The following SEZ6L2 variants were observed in gnomAD, a reference collection of about 807,000 sequenced individuals.
SEZ6L2 encodes seizure 6-like protein 2.
A neutral mutation model predicts 97.0 loss-of-function variants in SEZ6L2; 44 were observed. That is an observed-to-expected ratio of 0.45 (90% confidence interval 0.36 to 0.58). The LOEUF is 0.58. SEZ6L2 is among the 20% of genes least tolerant of loss of function. The pLI, the probability that SEZ6L2 is intolerant of heterozygous loss-of-function variation, is 0.00. For synonymous variants in SEZ6L2, 543 were observed against 546.1 expected, an observed-to-expected ratio of 0.99 and a Z score of 0.08; for missense variants, 1,086 against 1,233.3, an observed-to-expected ratio of 0.88 and a Z score of 1.79.
At chr16:29,888,427 A>G in intron 6 of SEZ6L2, 113 bp downstream of exon 6, 1 of 1,120,176 alleles carries the variant, frequency 8.9e-7, no homozygotes, top group Non-Finnish European at 1.3e-6. Flanking sequence ...CAGGGTAAAC[A>G]CCCCTTCAGA....
chr16:29,881,022 C>T (rs2068018820), intron 8 of SEZ6L2, among the ~76,000 whole-genome samples: 1 of 151,888 alleles, frequency 6.6e-6, no homozygotes, highest in Non-Finnish European at 1.5e-5. Context: ...GATCCGCTGG[C>T]CTCGGCCTCC....
chr16:29,892,832 A>C (rs2068298289), intron 5 of SEZ6L2, among the ~76,000 whole-genome samples: 1 of 152,226 alleles, frequency 6.6e-6, no homozygotes, highest in African/African-American at 2.4e-5. Context: ...TTCCTCATGC[A>C]CACATGTCTG....
intron 3 of SEZ6L2, among the ~76,000 whole-genome samples, chr16:29,896,504 C>A (rs1320735842): frequency 6.6e-6 from 1 of 152,146 alleles, no homozygotes. Context: ...GTCTCGAACT[C>A]CCGACCTCAG....
intron 6 of SEZ6L2, among the ~76,000 whole-genome samples, chr16:29,888,047 A>T (rs1287457776): frequency 1.3e-5 from 2 of 152,126 alleles, no homozygotes; most frequent in Non-Finnish European, 2.9e-5. Flanking sequence ...ACCTCCTAGG[A>T]TGGAGACACC....
Position 29,895,866 on chromosome 16 carries a change from G to A in SEZ6L2, c.512-6C>T, listed in dbSNP as rs1186465861. On this transcript the variant is annotated splice_region_variant and splice_polypyrimidine_tract_variant and intron_variant, in intron 3 of 17. Coordinates refer to ENST00000617533, the MANE Select transcript of SEZ6L2 (RefSeq NM_001243332.2). ...GATGTTGTTATTACACAGAACTGAG[G>A]AGATACAAATGGCTGGGATGGAAGG... is the stretch of plus-strand genomic sequence containing the variant. 2 of 1,597,164 alleles carry A rather than the reference G, an allele frequency of 1.3e-6. No homozygotes were observed. The highest frequency in any genetic ancestry group is 1.7e-6 in the Non-Finnish European group (2 of 1,169,962).
At position 29,876,292 on chromosome 16, in the gene SEZ6L2, C is replaced by T. The variant is rs1369084066; in HGVS notation, c.2104+464G>A. 6.6e-6 allele frequency among the ~76,000 whole-genome samples: 1 copy of T among 152,180 alleles called. No individual in the cohort carries two copies. Among genetic ancestry groups the T allele is most frequent in the African/African-American group, 2.4e-5 (1 of 41,450 alleles). On this transcript the variant is annotated intron_variant, in intron 12 of 17. Transcript: ENST00000617533. This position sits in a 1 kb window ranked among gnomAD's most constrained non-coding sequence, Gnocchi z 6.5. ...CAAATAAACCAAGTGCTCTGACAAG[C>T]CTTGGTCCTAGCAAAGTGGCTCCCT...
chr16:29,871,895 A>G (rs563063898), intron 17 of SEZ6L2, among the ~76,000 whole-genome samples, 167 bp from the exon 18 acceptor site: 16 of 152,198 alleles, frequency 1.1e-4, no homozygotes, highest in South Asian at 2.1e-4. Context: ...AAAATGACAC[A>G]AAAATCTGAA....
intron 8 of SEZ6L2, among the ~76,000 whole-genome samples, chr16:29,880,371 G>A (rs1190802449): frequency 1.3e-5 from 2 of 151,830 alleles, no homozygotes; most frequent in East Asian, 1.9e-4. Context: ...TGTTGCCCAG[G>A]CTGGAGTGCA....
At chr16:29,891,824 CA>C (rs1487946931) in intron 5 of SEZ6L2, among the ~76,000 whole-genome samples, 2 of 152,108 alleles carry the variant, frequency 1.3e-5, no homozygotes, top group African/African-American at 4.8e-5. Flanking sequence ...CTATTAACGG[CA>C]ATAATAATTC....
In SEZ6L2 at chr16:29,880,050, G is replaced by A. The variant is rs149149256; in HGVS notation, c.1387C>T (p.Arg463Cys). 9 of 1,614,152 alleles carry A rather than the reference G, an allele frequency of 5.6e-6. No individual in the cohort carries two copies. The highest frequency in any genetic ancestry group is 2.7e-5 in the African/African-American group (2 of 75,042). Residue 463 changes from arginine (R) to cysteine (C), a missense_variant, in exon 9 of 18, where the codon CGC becomes TGC. Coordinates refer to ENST00000617533, the MANE Select transcript of SEZ6L2 (RefSeq NM_001243332.2). ...SLRFEAFEEDRCFAPFLAHGN... is the reference protein window; with the variant it reads ...SLRFEAFEEDCCFAPFLAHGN... ...TGTGCCAGGAAGGGGGCGAAGCAGC[G>A]ATCCTCCTCAAAGGCTGGGAAGGAG... is the stretch of plus-strand genomic sequence containing the variant.
chr16:29,884,665 A>G lies in SEZ6L2; in HGVS notation c.1372+921T>C, dbSNP rs972421276. ...GCAGTGGCTCACGCCTGTAATCCCA[A>G]CACTTTGGGAGGCGGAGGCGGGCAG... is the stretch of plus-strand genomic sequence containing the variant. On this transcript the variant is annotated intron_variant, in intron 8 of 17. Coordinates refer to ENST00000617533, the MANE Select transcript of SEZ6L2 (RefSeq NM_001243332.2). Among the ~76,000 whole-genome samples the G allele has an allele frequency of 5.9e-5, 9 of 151,460 alleles. No individual in the cohort carries two copies. In the East Asian group the frequency reaches 1.6e-3, roughly 26 times the overall value.
In SEZ6L2 at chr16:29,873,237, C is replaced by T. The variant is rs1475526494; in HGVS notation, c.2488+3G>A. 6.2e-7 allele frequency: 1 copy of T among 1,613,700 alleles called. No individual in the cohort carries two copies. The highest frequency in any genetic ancestry group is 1.1e-5 in the South Asian group (1 of 91,076). On this transcript the variant is annotated splice_donor_region_variant and intron_variant, in intron 14 of 17. Transcript: ENST00000617533. The surrounding 1 kb of genome is among the most constrained non-coding windows in gnomAD (Gnocchi z 4.3). The stretch of plus-strand genomic sequence containing the variant: ...GCCCCTCCTGCCCTGTCTGGCCAGG[C>T]ACCTTTGCAGAGTGGGGGCTGGCTG...
chr16:29,873,423 C>T lies in SEZ6L2; in HGVS notation c.2305G>A (p.Glu769Lys), dbSNP rs375340503. 39 of 1,614,128 alleles carry T rather than the reference C, an allele frequency of 2.4e-5. 1 individual carries two copies. The highest frequency in any genetic ancestry group is 3.1e-5 in the Non-Finnish European group (36 of 1,180,042). The change falls in exon 14 of 18, where the codon GAG becomes AAG. Residue 769 changes from glutamate to lysine, a missense_variant. Transcript: ENST00000617533. The surrounding 1 kb of genome is among the most constrained non-coding windows in gnomAD (Gnocchi z 4.3). ...GGAACCCCCGGGTTCAGGCACGGCT[C>T]GTACTTCACTGCGGGGAGCATGCCA... ...DRVPKCALKY[E>K]PCLNPGVPEN...
At chr16:29,891,646 A>G (rs1414358791) in intron 5 of SEZ6L2, among the ~76,000 whole-genome samples, 1 of 152,130 alleles carries the variant, frequency 6.6e-6, no homozygotes, top group Non-Finnish European at 1.5e-5. Context: ...GTCTCAAAAA[A>G]AAAAAAGGGC....
rs377205080 is a variant in SEZ6L2 at position 29,885,737 on chromosome 16, G to C, written c.1221C>G (p.Arg407=). 1 of 1,610,172 alleles carries C rather than the reference G, an allele frequency of 6.2e-7. No homozygotes were observed. Among genetic ancestry groups the C allele is most frequent in the African/African-American group, 1.3e-5 (1 of 74,946 alleles). The part of the protein sequence containing the change: ...LDEDNDRLMV[R]SGGSPLSPVI... ...CGGGGGATAGGGGGCTGCCCCCTGA[G>C]CGCACCATCAGCCTGGGATGGACAG... The change falls in exon 8 of 18, where the codon CGC becomes CGG. Residue 407 remains arginine (R), a synonymous_variant. Transcript: ENST00000617533.
chr16:29,872,884 G>A, intron 14 of SEZ6L2, 141 bp from the exon 15 acceptor site: 1 of 711,352 alleles, frequency 1.4e-6, no homozygotes. Context: ...TCCCTTTGTG[G>A]GGAAGAGAGA....
At chr16:29,898,393 G>T (rs937639280) in intron 1 of SEZ6L2, among the ~76,000 whole-genome samples, 8 of 151,830 alleles carry the variant, frequency 5.3e-5, no homozygotes, top group African/African-American at 1.9e-4. Context: ...CTTTCTCTCT[G>T]GGTTTCTGTC....
chr16:29,883,545 C>T (rs935054516), intron 8 of SEZ6L2, among the ~76,000 whole-genome samples: 5 of 152,116 alleles, frequency 3.3e-5, no homozygotes, highest in African/African-American at 1.2e-4. Context: ...TCTCAAACTC[C>T]TGGCCTCAAA....
intron 4 of SEZ6L2, 100 bp downstream of exon 4, chr16:29,895,621 A>T (rs1246632177): frequency 1.4e-6 from 2 of 1,467,144 alleles, no homozygotes; most frequent in African/African-American, 2.8e-5. Context: ...CACCTGAGTC[A>T]TCAGACAGGT....
Sources: gnomAD v4.1 joint callset for allele counts (sites outside exome capture counted in the v4.1 genomes callset) on GRCh38, gnomAD v4.1.1 for gene constraint, Gnocchi (gnomAD v3.1) non-coding constraint, MANE v1.5 for transcripts, NCBI Gene and HGNC (gene_info 2026-07-23, HGNC 2026-07-21) for gene names.